Variants in BAIAP3 observed in about 807,000 individuals in gnomAD.
The protein encoded by BAIAP3 is BAI1-associated protein 3.
In BAIAP3, 180 loss-of-function variants were observed where a neutral mutation model predicts 149.7. That is an observed-to-expected ratio of 1.20 (90% CI 1.07 to 1.36). BAIAP3 has a LOEUF of 1.36. Among genes scored for constraint, BAIAP3 ranks in the 40% most tolerant of loss-of-function variants. The pLI, the probability that BAIAP3 is intolerant of heterozygous loss-of-function variation, is 0.00. For synonymous variants in BAIAP3, 845 were observed against 670.7 expected (o/e 1.26, Z -4.02); for missense variants, 1,767 against 1,563.4 (o/e 1.13, Z -2.20).
rs143075297 is a variant in BAIAP3, at chr16:1,348,230, G to A, written c.3284G>A (p.Arg1095Gln). The part of the protein sequence containing the change: ...LGLGGVTGVA[R>Q]PQVGGGARAG... ...CTAGGTGGCGTCACTGGTGTCGCCCGGCCCCAGGTGGGCGGGGGTGCAAGG... is the reference window on the plus strand; with the variant it reads ...CTAGGTGGCGTCACTGGTGTCGCCCAGCCCCAGGTGGGCGGGGGTGCAAGG... Residue 1095 changes from arginine (R) to glutamine (Q), a missense_variant, in exon 33 of 34, where the codon CGG (arginine) becomes CAG (glutamine). Transcript: ENST00000426824. The A allele has an allele frequency of 4.3e-5, 69 of 1,606,374 alleles. No homozygotes were observed. The highest frequency in any genetic ancestry group is 1.5e-4 in the Admixed American group (9 of 59,612).
At chr16:1,335,266 G>T (rs1168873392) in intron 1 of BAIAP3, among the ~76,000 whole-genome samples, 1 of 152,252 alleles carries the variant, frequency 6.6e-6, no homozygotes, top group Non-Finnish European at 1.5e-5. Flanking sequence ...GGATGGGCAG[G>T]TGTGGCTCAG....
At chr16:1,344,729 G>A in intron 19 of BAIAP3, 31 bp downstream of exon 19, 1 of 1,593,060 alleles carries the variant, frequency 6.3e-7, no homozygotes, top group Non-Finnish European at 8.5e-7. Context: ...CTGTCCTGGG[G>A]CTGGGGTCGG....
In BAIAP3 at chr16:1,346,311, G is replaced by C; in HGVS notation, c.2443G>C (p.Asp815His). ...GCTCAGCTGCACACAGGCCCTGGAC[G>C]ATGATCTGCAACGGGAGGCCCACAC... ...PLLSCTQALD[D>H]DLQREAHTVT... Residue 815 changes from aspartate to histidine, a missense_variant, in exon 25 of 34, where the codon GAT becomes CAT. Physicochemically the swap from Asp to His is moderately conservative, Grantham distance 81. Transcript: ENST00000426824. 1.2e-6 allele frequency: 2 copies of C among 1,604,290 alleles called. No individual in the cohort carries two copies. Among genetic ancestry groups the C allele is most frequent in the African/African-American group, 1.3e-5 (1 of 74,882 alleles).
In BAIAP3 at chr16:1,343,382, G is replaced by A. The variant is rs2034071437; in HGVS notation, c.1266-11G>A. 3.2e-6 allele frequency: 5 copies of A among 1,578,496 alleles called. No homozygotes were observed. The highest frequency in any genetic ancestry group is 2.3e-5 in the East Asian group (1 of 43,126). ...GGTTCATACCCTTTGACCATGGGCC[G>A]GGCCCCACAGGCACTGGCAGGTCAG... On this transcript the variant is annotated splice_polypyrimidine_tract_variant and intron_variant, in intron 14 of 33. Transcript: ENST00000426824.
intron 28 of BAIAP3, 89 bp downstream of exon 28, chr16:1,347,044 TC>T: frequency 7.8e-7 from 1 of 1,287,192 alleles, no homozygotes; most frequent in Non-Finnish European, 1.1e-6. Flanking sequence ...CTGCCTGGTC[TC>T]CTGTGGCTGG....
chr16:1,345,257 G>T lies in BAIAP3; in HGVS notation c.1949G>T (p.Arg650Leu), dbSNP rs749165160. The change falls in exon 22 of 34, where the codon CGC (arginine) becomes CTC (leucine). Residue 650 changes from arginine (R) to leucine (L), a missense_variant. Transcript: ENST00000426824. ...FWDSIPGRDS[R>L]SLALAGIHAP... ...CAACCCTCCCACCACAGGGACAGCC[G>T]CTCTCTGGCCCTGGCTGGCATCCAC... 2 of 1,612,938 alleles carry T rather than the reference G, an allele frequency of 1.2e-6. No homozygotes were observed. Among genetic ancestry groups the T allele is most frequent in the African/African-American group, 1.3e-5 (1 of 74,990 alleles).
At chr16:1,344,370 C>G in intron 17 of BAIAP3, 53 bp downstream of exon 17, 1 of 1,611,166 alleles carries the variant, frequency 6.2e-7, no homozygotes, top group Non-Finnish European at 8.5e-7. Flanking sequence ...CTTCCCCTTC[C>G]CTGCCTTCCC....
chr16:1,347,719 C>A lies in BAIAP3; in HGVS notation c.2923C>A (p.Arg975=), dbSNP rs751706891. ...KLKQRTLEQN[R]FGRLSVRCHY... ...TCCGCAGAGGACCCTGGAGCAGAAC[C>A]GGTTTGGACGCCTGAGCGTCCGTTG... is the stretch of plus-strand genomic sequence containing the variant. The change falls in exon 31 of 34, where the codon CGG becomes AGG. Residue 975 remains arginine (R), a synonymous_variant. Transcript: ENST00000426824. 6.2e-7 allele frequency: 1 copy of A among 1,610,026 alleles called. No individual in the cohort carries two copies. The highest frequency in any genetic ancestry group is 2.2e-5 in the East Asian group (1 of 44,764).
chr16:1,342,505 C>G (rs770859518), intron 11 of BAIAP3, 22 bp from the exon 12 acceptor site: 48 of 1,546,674 alleles, frequency 3.1e-5, no homozygotes, highest in Non-Finnish European at 4.1e-5. Context: ...TCTGGTGGGC[C>G]TGACCCCCAT....
rs564644212 is a variant in BAIAP3 at position 1,337,912 on chromosome 16, C to T, written c.-10-628C>T. 2.7e-4 allele frequency among the ~76,000 whole-genome samples: 41 copies of T among 152,348 alleles called. No individual in the cohort carries two copies. The East Asian group carries it at 7.5e-3, about 28-fold the overall frequency. ...TCCACCTCAGGTTTGCTGACCAGCTCCTGGGGTGAGGAGGGGGCATTGACC... is the reference window on the plus strand; with the variant it reads ...TCCACCTCAGGTTTGCTGACCAGCTTCTGGGGTGAGGAGGGGGCATTGACC... On this transcript the variant is annotated intron_variant, in intron 1 of 33. Coordinates refer to ENST00000426824, the MANE Select transcript of BAIAP3 (RefSeq NM_001199097.2).
Position 1,348,514 on chromosome 16 carries a change from C to G in BAIAP3, c.*32C>G. On this transcript the variant is annotated 3_prime_UTR_variant, in exon 34 of 34. Coordinates refer to ENST00000426824, the MANE Select transcript of BAIAP3 (RefSeq NM_001199097.2). ...CAGCTGCCAGCCCCGGCCCTGGCCC[C>G]CACCCCAAGTTCCCTGAAGCATCCT... 6.4e-7 allele frequency: 1 copy of G among 1,572,056 alleles called. No homozygotes were observed. The highest frequency in any genetic ancestry group is 8.6e-7 in the Non-Finnish European group (1 of 1,158,512).
In BAIAP3 at chr16:1,347,756, C is replaced by T. The variant is rs144729493; in HGVS notation, c.2960C>T (p.Ala987Val). 205 of 1,609,696 alleles carry T rather than the reference C, an allele frequency of 1.3e-4. 2 individuals carry two copies. The highest frequency in any genetic ancestry group is 6.8e-4 in the African/African-American group (51 of 74,990). The change falls in exon 31 of 34, where the codon GCG becomes GTG. Residue 987 changes from alanine to valine, a missense_variant. Physicochemically the swap from Ala to Val is moderately conservative, Grantham distance 64. Coordinates refer to ENST00000426824, the MANE Select transcript of BAIAP3 (RefSeq NM_001199097.2). ...CTGAGCGTCCGTTGCCATTACGAGG[C>T]GGCTGAGCAGCGGCTGGCCGTGGAG... is the stretch of plus-strand genomic sequence containing the variant. ...GRLSVRCHYE[A>V]AEQRLAVEVL...
In BAIAP3 at chr16:1,338,588, G is replaced by A. The variant is rs759902685; in HGVS notation, c.39G>A (p.Arg13=). 9 of 1,609,306 alleles carry A rather than the reference G, an allele frequency of 5.6e-6. No individual in the cohort carries two copies. In the South Asian group the frequency reaches 8.8e-5, roughly 16 times the overall value. Residue 13 remains arginine (R), a synonymous_variant, in exon 2 of 34, where the codon AGG becomes AGA. Coordinates refer to ENST00000426824, the MANE Select transcript of BAIAP3 (RefSeq NM_001199097.2). The part of the protein sequence containing the change: ...TLLDIKSSVL[R]QVQVCPSFRR... ...TGGACATTAAGAGCAGCGTGCTCAG[G>A]CAGGTGCAGGTGTGCCCGTCCTTCC...
chr16:1,335,513 A>C (rs1033753978), intron 1 of BAIAP3, among the ~76,000 whole-genome samples: 6 of 152,184 alleles, frequency 3.9e-5, no homozygotes, highest in Non-Finnish European at 7.3e-5. Flanking sequence ...GCTGAGAGCC[A>C]CCCAGGCAGC....
rs146815130 is a variant in BAIAP3 at position 1,344,806 on chromosome 16, A to G, written c.1766A>G (p.Asn589Ser). The change falls in exon 20 of 34, where the codon AAT becomes AGT. Residue 589 changes from asparagine to serine, a missense_variant. Physicochemically the swap from Asn to Ser is conservative, Grantham distance 46. Coordinates refer to ENST00000426824, the MANE Select transcript of BAIAP3 (RefSeq NM_001199097.2). ...VYASLFHSIL[N>S]VDVFTLTFRQ... ...TGTCCCTTGCTCTGCAGCATCCTCA[A>G]TGTGGACGTCTTCACCCTGACCTTC... The G allele has an allele frequency of 1.2e-4, 193 of 1,613,756 alleles. No homozygotes were observed. The African/African-American group carries it at 1.6e-3, about 13-fold the overall frequency.
At position 1,341,394 on chromosome 16, in the gene BAIAP3, C is replaced by T; in HGVS notation, c.636C>T (p.Gly212=). ...QKEQRFGFRK[G]SKRGGPLPAK... ...AGCAGCGCTTCGGCTTCCGCAAGGGCAGCAAGCGCGGTGGACCCCTGCCTG... is the reference window on the plus strand; with the variant it reads ...AGCAGCGCTTCGGCTTCCGCAAGGGTAGCAAGCGCGGTGGACCCCTGCCTG... The change falls in exon 8 of 34, where the codon GGC becomes GGT. Residue 212 remains glycine (G), a synonymous_variant. Coordinates refer to ENST00000426824, the MANE Select transcript of BAIAP3 (RefSeq NM_001199097.2). 2 of 1,612,634 alleles carry T rather than the reference C, an allele frequency of 1.2e-6. No homozygotes were observed. Among genetic ancestry groups the T allele is most frequent in the South Asian group, 2.2e-5 (2 of 91,082 alleles).
At chr16:1,334,457 G>A (rs949635017) in intron 1 of BAIAP3, 9 of 581,262 alleles carry the variant, frequency 1.5e-5, no homozygotes, top group South Asian at 8.5e-5. Flanking sequence ...GCCGCGAGGC[G>A]GGGCAGGGAG....
chr16:1,345,074 C>T lies in BAIAP3; in HGVS notation c.1915C>T (p.Arg639Cys), dbSNP rs756410804. 1.9e-5 allele frequency: 31 copies of T among 1,612,520 alleles called. No individual in the cohort carries two copies. The highest frequency in any genetic ancestry group is 3.3e-5 in the South Asian group (3 of 91,040). ...ELYLTLADLQRFWDSIPGRDS... is the reference protein window; with the variant it reads ...ELYLTLADLQCFWDSIPGRDS... The stretch of plus-strand genomic sequence containing the variant: ...CTACCTGACCCTGGCTGACCTCCAG[C>T]GCTTCTGGGATAGCATCCCTGGCCG... The change falls in exon 21 of 34, where the codon CGC becomes TGC. Residue 639 changes from arginine (R) to cysteine (C), a missense_variant. Physicochemically the swap from Arg to Cys is radical, Grantham distance 180. Transcript: ENST00000426824.
At position 1,345,096 on chromosome 16, in the gene BAIAP3, G is replaced by C; in HGVS notation, c.1937G>C (p.Gly646Ala). The C allele has an allele frequency of 6.2e-7, 1 of 1,612,528 alleles. No individual in the cohort carries two copies. Among genetic ancestry groups the C allele is most frequent in the Non-Finnish European group, 8.5e-7 (1 of 1,179,968 alleles). The change falls in exon 21 of 34, where the codon GGC becomes GCC. Residue 646 changes from glycine to alanine, a missense_variant. By Grantham distance (60) the Gly-to-Ala change is moderately conservative. Coordinates refer to ENST00000426824, the MANE Select transcript of BAIAP3 (RefSeq NM_001199097.2). Reference sequence around the variant, plus strand: ...CAGCGCTTCTGGGATAGCATCCCTGGCCGGTGGGTGCCCCGTCCCTATCTC... The same window carrying C: ...CAGCGCTTCTGGGATAGCATCCCTGCCCGGTGGGTGCCCCGTCCCTATCTC... Reference protein sequence around the residue: ...DLQRFWDSIPGRDSRSLALAG... With the variant: ...DLQRFWDSIPARDSRSLALAG...
Sources: allele counts gnomAD v4.1 joint callset (sites outside exome capture counted in the v4.1 genomes callset), GRCh38; gene constraint gnomAD v4.1.1; transcripts MANE v1.5; gene names NCBI Gene and HGNC (gene_info 2026-07-23, HGNC 2026-07-21).